The following RASSF8 variants were observed in gnomAD, a reference collection of about 807,000 sequenced individuals.
RASSF8 encodes the protein Ras association domain family member 8.
In RASSF8, 22 loss-of-function variants were observed where a neutral mutation model predicts 48.5. That is an observed-to-expected ratio of 0.45 (90% confidence interval 0.32 to 0.65). The LOEUF (loss-of-function observed/expected upper bound fraction) is 0.65. RASSF8 is among the 30% of genes least tolerant of loss of function. The pLI is 0.03. For synonymous variants in RASSF8, 127 were observed against 171.5 expected, an observed-to-expected ratio of 0.74 and a Z score of 2.03; for missense variants, 418 against 489.2, an observed-to-expected ratio of 0.85 and a Z score of 1.37.
chr12:26,076,408 C>A (rs556723878), downstream of RASSF8, among the ~76,000 whole-genome samples: 1 of 152,282 alleles, frequency 6.6e-6, no homozygotes, highest in African/African-American at 2.4e-5. Flanking sequence ...AATGCTATCC[C>A]TCCCCCAGCT....
chr12:26,057,908 T>A (rs368032691), intron 3 of RASSF8, among the ~76,000 whole-genome samples: 85 of 152,346 alleles, frequency 5.6e-4, no homozygotes, highest in African/African-American at 2.0e-3. Context: ...ATGTGTCTGT[T>A]GGCTGCATAA....
chr12:26,077,571 G>A (rs1169694718), downstream of RASSF8, among the ~76,000 whole-genome samples: 1 of 152,128 alleles, frequency 6.6e-6, no homozygotes. Context: ...TCAGATGGTT[G>A]TAGATGTGTG....
chr12:26,029,142 T>C (rs1942976384), intron 2 of RASSF8, among the ~76,000 whole-genome samples: 1 of 152,238 alleles, frequency 6.6e-6, no homozygotes, highest in South Asian at 2.1e-4. Flanking sequence ...AACTGCATCC[T>C]GTCCCTCGCC....
intron 3 of RASSF8, among the ~76,000 whole-genome samples, chr12:26,060,828 G>A (rs925120338): frequency 6.6e-6 from 1 of 152,138 alleles, no homozygotes; most frequent in African/African-American, 2.4e-5. Context: ...AATAAGTCAG[G>A]TGTTACTGAC....
At chr12:25,963,846 A>G (rs1941294648) in intron 1 of RASSF8, among the ~76,000 whole-genome samples, 2 of 152,208 alleles carry the variant, frequency 1.3e-5, no homozygotes. Context: ...GGAAAAGTGA[A>G]GCTTAGGCTT....
intron 2 of RASSF8, among the ~76,000 whole-genome samples, chr12:26,010,273 A>G (rs992692364): frequency 6.6e-6 from 1 of 152,258 alleles, no homozygotes; most frequent in Non-Finnish European, 1.5e-5. Context: ...TTAGAAGGGA[A>G]GGTAGAACCA....
At chr12:25,968,587 A>G (rs991658854) in intron 1 of RASSF8, among the ~76,000 whole-genome samples, 2 of 151,378 alleles carry the variant, frequency 1.3e-5, no homozygotes, top group Admixed American at 6.6e-5. Flanking sequence ...CAGGTAATCC[A>G]CCCGCCTCAG....
intron 1 of RASSF8, among the ~76,000 whole-genome samples, chr12:25,983,881 G>A (rs768687806): frequency 2.6e-5 from 4 of 152,134 alleles, no homozygotes; most frequent in Non-Finnish European, 4.4e-5. Flanking sequence ...ACCCATACCC[G>A]TGTGTGCCAG....
intron 2 of RASSF8, among the ~76,000 whole-genome samples, chr12:26,003,528 A>AT (rs897194715): frequency 4.9e-4 from 74 of 152,188 alleles, no homozygotes; most frequent in African/African-American, 1.7e-3. Context: ...TTATCTATAG[A>AT]TTTTTTTTAA....
chr12:26,005,161 T>TG (rs773544550), intron 2 of RASSF8, among the ~76,000 whole-genome samples: 3 of 129,826 alleles, frequency 2.3e-5, no homozygotes, highest in Non-Finnish European at 3.3e-5. Context: ...TTTTTACGGA[T>TG]GGGGTGTGTG....
chr12:25,970,061 G>A (rs1297430773), intron 1 of RASSF8, among the ~76,000 whole-genome samples: 1 of 151,084 alleles, frequency 6.6e-6, no homozygotes, highest in Admixed American at 6.6e-5. Flanking sequence ...AAATGTTCAT[G>A]TGCTTTTAAA....
intron 2 of RASSF8, among the ~76,000 whole-genome samples, chr12:26,035,050 GTT>G (rs1054582180): frequency 2.0e-5 from 3 of 151,954 alleles, no homozygotes; most frequent in African/African-American, 7.3e-5. Flanking sequence ...TTTAATAGAC[GTT>G]TTTCCAGTTG....
intron 1 of RASSF8, among the ~76,000 whole-genome samples, chr12:25,961,878 A>T (rs895805803): frequency 1.3e-5 from 2 of 152,094 alleles, no homozygotes; most frequent in Non-Finnish European, 2.9e-5. Context: ...CCAGTCCATC[A>T]TAAAGTCCTG....
intron 5 of RASSF8, among the ~76,000 whole-genome samples, chr12:26,078,220 CA>C (rs1173065648): frequency 6.6e-6 from 1 of 151,934 alleles, no homozygotes; most frequent in Non-Finnish European, 1.5e-5. Context: ...AACAAAGAAG[CA>C]AAAAATTAGT....
chr12:26,015,551 T>C (rs1466317329), intron 2 of RASSF8, among the ~76,000 whole-genome samples: 1 of 152,212 alleles, frequency 6.6e-6, no homozygotes, highest in Non-Finnish European at 1.5e-5. Flanking sequence ...TCCAAATTAA[T>C]GTGTGAGGCC....
downstream of RASSF8, chr12:26,072,926 C>A: frequency 1.4e-6 from 1 of 695,258 alleles, no homozygotes; most frequent in African/African-American, 1.9e-5. Flanking sequence ...AATTTTACTT[C>A]CTTTAAAAGA....
intron 2 of RASSF8, among the ~76,000 whole-genome samples, chr12:26,008,535 C>T (rs1225050737): frequency 6.6e-6 from 1 of 152,148 alleles, no homozygotes; most frequent in Non-Finnish European, 1.5e-5. Context: ...CTGATATTGT[C>T]ATTTGTATTC....
intron 2 of RASSF8, among the ~76,000 whole-genome samples, chr12:26,037,900 G>T (rs1390388800): frequency 6.6e-6 from 1 of 152,212 alleles, no homozygotes; most frequent in Non-Finnish European, 1.5e-5. Context: ...GCTAGCCTGA[G>T]TGTGAAACAA....
At chr12:25,999,296 A>G (rs1284668453) in intron 2 of RASSF8, among the ~76,000 whole-genome samples, 1 of 152,230 alleles carries the variant, frequency 6.6e-6, no homozygotes, top group East Asian at 1.9e-4. Flanking sequence ...TGTGATATTG[A>G]TAACAATGAC....
Sources: allele counts gnomAD v4.1 joint callset (sites outside exome capture counted in the v4.1 genomes callset), GRCh38; gene constraint gnomAD v4.1.1; transcripts MANE v1.5; gene names NCBI Gene and HGNC (gene_info 2026-07-23, HGNC 2026-07-21).